Variants in SLCO6A1 observed in about 807,000 individuals in gnomAD.
SLCO6A1 encodes the protein cancer/testis antigen 48.
Under a neutral mutation model 72.7 loss-of-function variants are expected in SLCO6A1, and 65 were observed. The observed-to-expected ratio is 0.89, with a 90% CI of 0.73 to 1.10. The LOEUF (loss-of-function observed/expected upper bound fraction) is 1.10, where lower values mean the gene tolerates loss of function less well. Among genes scored for constraint, SLCO6A1 ranks in the 50% least tolerant of loss-of-function variants. SLCO6A1 has a pLI of 0.00. For synonymous variants in SLCO6A1, 314 were observed against 298.2 expected, an observed-to-expected ratio of 1.05 and a Z score of -0.55; for missense variants, 874 against 872.6, an observed-to-expected ratio of 1.00 and a Z score of -0.02.
At chr5:102,424,045 G>A (rs974615411) in intron 7 of SLCO6A1, among the ~76,000 whole-genome samples, 2 of 152,048 alleles carry the variant, frequency 1.3e-5, no homozygotes, top group African/African-American at 2.4e-5. Context: ...ATAAAATTAA[G>A]GCAGAAATAA....
chr5:102,493,301 T>A (rs1370112210), intron 1 of SLCO6A1, among the ~76,000 whole-genome samples: 1 of 152,072 alleles, frequency 6.6e-6, no homozygotes, highest in African/African-American at 2.4e-5. Flanking sequence ...AAGACAATCA[T>A]CTAATAAAAA....
At chr5:102,465,437 C>T (rs765095484) in intron 4 of SLCO6A1, among the ~76,000 whole-genome samples, 8 of 152,018 alleles carry the variant, frequency 5.3e-5, no homozygotes, top group Non-Finnish European at 7.4e-5. Context: ...ACTTTATTGT[C>T]TTCTTTAACT....
rs1330691926 is a variant in SLCO6A1, at chr5:102,422,226, ATCACAACTCC to A, written c.1277-2215_1277-2206del. ...CAGAATGCCTCTTCTCCTCCAAAGG[ATCACAACTCC>A]TCACCAGCAAGGGAACACAAATGGA... On this transcript the variant is annotated intron_variant, in intron 7 of 13. Transcript: ENST00000506729. Among the ~76,000 whole-genome samples the A allele has an allele frequency of 2.3e-4, 35 of 152,334 alleles. 1 individual carries two copies. The highest frequency in any genetic ancestry group is 8.2e-4 in the African/African-American group (34 of 41,578).
At chr5:102,481,503 T>A (rs146111799) in intron 1 of SLCO6A1, among the ~76,000 whole-genome samples, 1 of 152,216 alleles carries the variant, frequency 6.6e-6, no homozygotes, top group African/African-American at 2.4e-5. Context: ...TAAGTCGAAG[T>A]CAGCTGGGCC....
At chr5:102,400,964 T>C (rs988694808) in intron 9 of SLCO6A1, among the ~76,000 whole-genome samples, 1 of 151,946 alleles carries the variant, frequency 6.6e-6, no homozygotes, top group African/African-American at 2.4e-5. Flanking sequence ...AACTTTCTAT[T>C]TGGGGAGACA....
At position 102,421,351 on chromosome 5, in the gene SLCO6A1, G is replaced by A. The variant is rs1008263699; in HGVS notation, c.1277-1330C>T. Among the ~76,000 whole-genome samples, 12 of 152,258 alleles carry A rather than the reference G, an allele frequency of 7.9e-5. 1 individual carries two copies. In the South Asian group the frequency reaches 1.7e-3, roughly 21 times the overall value. ...CAGCAGGTTCCACTCCCATGGAGCC[G>A]AGAAAGCTAAGATCCACTGGCTTGA... On this transcript the variant is annotated intron_variant, in intron 7 of 13. Coordinates refer to ENST00000506729, the MANE Select transcript of SLCO6A1 (RefSeq NM_173488.5).
chr5:102,411,713 C>A (rs1238659683), intron 9 of SLCO6A1, among the ~76,000 whole-genome samples: 1 of 151,972 alleles, frequency 6.6e-6, no homozygotes, highest in Non-Finnish European at 1.5e-5. Context: ...TCATGACTTA[C>A]TTTCTAATCT....
chr5:102,462,705 T>C (rs1751101640), intron 4 of SLCO6A1, among the ~76,000 whole-genome samples: 1 of 152,108 alleles, frequency 6.6e-6, no homozygotes, highest in South Asian at 2.1e-4. Flanking sequence ...AGAAACTGGA[T>C]CCTCATTGTC....
At chr5:102,412,602 A>G (rs1192404134) in intron 9 of SLCO6A1, among the ~76,000 whole-genome samples, 1 of 152,072 alleles carries the variant, frequency 6.6e-6, no homozygotes, top group African/African-American at 2.4e-5. Context: ...CTCTAAAAAA[A>G]TTACAAAAAT....
intron 6 of SLCO6A1, among the ~76,000 whole-genome samples, chr5:102,450,479 A>T (rs1037799162): frequency 1.3e-5 from 2 of 152,228 alleles, no homozygotes; most frequent in African/African-American, 4.8e-5. Context: ...GCTCTTGCTC[A>T]GCCATGCAGC....
chr5:102,389,445 G>GCA (rs1554065620), intron 11 of SLCO6A1, among the ~76,000 whole-genome samples: 1 of 35,160 alleles, frequency 2.8e-5, no homozygotes, highest in Non-Finnish European at 5.6e-5. Flanking sequence ...CACACACCCC[G>GCA]CCCCCCACCC....
chr5:102,380,551 C>T (rs535243128), intron 12 of SLCO6A1, among the ~76,000 whole-genome samples: 1 of 152,086 alleles, frequency 6.6e-6, no homozygotes, highest in African/African-American at 2.4e-5. Flanking sequence ...TACTGGAGTT[C>T]ATTCTTAGCA....
At chr5:102,405,955 C>T (rs1747647314) in intron 9 of SLCO6A1, among the ~76,000 whole-genome samples, 1 of 151,896 alleles carries the variant, frequency 6.6e-6, no homozygotes, top group South Asian at 2.1e-4. Context: ...TTATATTACA[C>T]TATGTGCTAT....
intron 6 of SLCO6A1, among the ~76,000 whole-genome samples, chr5:102,452,043 T>C (rs1314715950): frequency 6.6e-6 from 1 of 152,260 alleles, no homozygotes; most frequent in East Asian, 1.9e-4. Context: ...ATTTATTTTG[T>C]CAGCAATTAA....
chr5:102,420,118 G>C, intron 7 of SLCO6A1, 97 bp from the exon 8 acceptor site: 1 of 993,482 alleles, frequency 1.0e-6, no homozygotes, highest in Non-Finnish European at 1.4e-6. Context: ...TAAACATATA[G>C]CAAACATGTA....
At chr5:102,445,287 T>C (rs1232415305) in intron 6 of SLCO6A1, among the ~76,000 whole-genome samples, 4 of 152,190 alleles carry the variant, frequency 2.6e-5, no homozygotes, top group Non-Finnish European at 5.9e-5. Flanking sequence ...TAACATCTTA[T>C]TGTGGTTTTG....
In SLCO6A1 at chr5:102,409,845, G is replaced by A. The variant is rs567437008; in HGVS notation, c.1626+3145C>T. Among the ~76,000 whole-genome samples, 5 of 152,236 alleles carry A rather than the reference G, an allele frequency of 3.3e-5. No homozygotes were observed. In the South Asian group the frequency reaches 8.3e-4, roughly 25 times the overall value. Reference sequence around the variant, plus strand: ...AAGAGATTCCCTAGAAAAAAAGGACGCAGGGGTTACAGCTATATCCTTCAT... The same window carrying A: ...AAGAGATTCCCTAGAAAAAAAGGACACAGGGGTTACAGCTATATCCTTCAT... On this transcript the variant is annotated intron_variant, in intron 9 of 13. Transcript: ENST00000506729.
chr5:102,427,893 C>T (rs540439811), intron 7 of SLCO6A1, among the ~76,000 whole-genome samples: 5 of 117,034 alleles, frequency 4.3e-5, no homozygotes, highest in East Asian at 2.5e-4. Context: ...TTTTTGAGAC[C>T]GAGTCTTGCT....
intron 4 of SLCO6A1, among the ~76,000 whole-genome samples, chr5:102,466,242 AT>A (rs1196939623): frequency 6.6e-6 from 1 of 151,852 alleles, no homozygotes; most frequent in African/African-American, 2.4e-5. Context: ...TGTTCTCATC[AT>A]TTAGCTCCCA....
Sources: allele counts gnomAD v4.1 joint callset (sites outside exome capture counted in the v4.1 genomes callset), GRCh38; gene constraint gnomAD v4.1.1; transcripts MANE v1.5; gene names NCBI Gene and HGNC (gene_info 2026-07-23, HGNC 2026-07-21).